The following CSMD1 variants were observed in gnomAD, a reference collection of about 807,000 sequenced individuals.
The protein encoded by CSMD1 is CUB and sushi domain-containing protein 1.
CSMD1 carries 213 observed loss-of-function variants against 417.5 expected under a neutral mutation model. The observed-to-expected ratio is 0.51, with a 90% CI of 0.46 to 0.57. CSMD1 has a LOEUF of 0.57. Among genes scored for constraint, CSMD1 ranks in the 20% least tolerant of loss-of-function variants. The pLI, the probability that CSMD1 is intolerant of heterozygous loss-of-function variation, is 0.00. For synonymous variants in CSMD1, 2,862 were observed against 1,736.8 expected, an observed-to-expected ratio of 1.65 and a Z score of -16.11; for missense variants, 6,923 against 4,529.7, an observed-to-expected ratio of 1.53 and a Z score of -15.17.
intron 5 of CSMD1, among the ~76,000 whole-genome samples, chr8:3,905,354 T>TA (rs1218652042): frequency 6.6e-6 from 1 of 152,306 alleles, no homozygotes; most frequent in African/African-American, 2.4e-5. Context: ...GTTGATCATC[T>TA]AAAAAAAGTT....
At chr8:3,755,399 T>C (rs1797600844) in intron 5 of CSMD1, among the ~76,000 whole-genome samples, 1 of 152,242 alleles carries the variant, frequency 6.6e-6, no homozygotes, top group African/African-American at 2.4e-5. Flanking sequence ...CAAGTGGTTG[T>C]GCACTGAATA....
At chr8:4,116,903 G>C (rs1489417627) in intron 3 of CSMD1, among the ~76,000 whole-genome samples, 3 of 152,188 alleles carry the variant, frequency 2.0e-5, no homozygotes, top group South Asian at 2.1e-4. Flanking sequence ...AAATCAGAAA[G>C]TGAGGTACTC....
intron 22 of CSMD1, among the ~76,000 whole-genome samples, chr8:3,347,514 C>T (rs1429886668): frequency 6.6e-6 from 1 of 152,178 alleles, no homozygotes; most frequent in Non-Finnish European, 1.5e-5. Context: ...CACTTCAGAA[C>T]CTTTCCAGCT....
intron 3 of CSMD1, among the ~76,000 whole-genome samples, chr8:4,332,990 G>C (rs1451209819): frequency 6.7e-6 from 1 of 148,512 alleles, no homozygotes; most frequent in African/African-American, 2.5e-5. Context: ...TGAGGTAAAC[G>C]TCATATGAAA....
chr8:4,787,177 C>G (rs977233954), intron 1 of CSMD1, among the ~76,000 whole-genome samples: 11 of 152,302 alleles, frequency 7.2e-5, no homozygotes, highest in African/African-American at 2.4e-4. Flanking sequence ...TAGCGGAGCT[C>G]GGAAAGAGTG....
chr8:3,248,131 C>G (rs111433692), intron 26 of CSMD1, among the ~76,000 whole-genome samples: 1 of 152,054 alleles, frequency 6.6e-6, no homozygotes. Context: ...AGTTTGAGAC[C>G]AGCCTGGGCA....
intron 1 of CSMD1, among the ~76,000 whole-genome samples, chr8:4,947,467 C>A (rs1475029596): frequency 2.0e-5 from 3 of 152,000 alleles, no homozygotes; most frequent in Non-Finnish European, 2.9e-5. Flanking sequence ...TGTCATCTGT[C>A]CAGATCATCA....
chr8:4,385,328 A>G (rs1015676731), intron 3 of CSMD1, among the ~76,000 whole-genome samples: 1 of 152,182 alleles, frequency 6.6e-6, no homozygotes, highest in Non-Finnish European at 1.5e-5. Flanking sequence ...ACAGGCAGTC[A>G]CCTAAAACGG....
chr8:3,132,837 C>G (rs1267322456), intron 41 of CSMD1, among the ~76,000 whole-genome samples: 3 of 152,302 alleles, frequency 2.0e-5, no homozygotes, highest in East Asian at 3.9e-4. Context: ...TACACAAGCT[C>G]CAACTTCTTG....
At chr8:4,094,719 T>G (rs1800908704) in intron 3 of CSMD1, among the ~76,000 whole-genome samples, 1 of 152,030 alleles carries the variant, frequency 6.6e-6, no homozygotes. Context: ...GACAGGGCAG[T>G]GGGGAGCCTC....
intron 1 of CSMD1, among the ~76,000 whole-genome samples, chr8:4,988,797 C>T (rs1348905940): frequency 6.6e-6 from 1 of 152,232 alleles, no homozygotes; most frequent in Non-Finnish European, 1.5e-5. Flanking sequence ...CTGTTTCACA[C>T]TCTGCATCCA....
intron 2 of CSMD1, among the ~76,000 whole-genome samples, chr8:4,458,199 A>G (rs1799600725): frequency 6.6e-6 from 1 of 152,196 alleles, no homozygotes; most frequent in African/African-American, 2.4e-5. Flanking sequence ...GATACTAATC[A>G]CCTTGTAAAG....
intron 3 of CSMD1, among the ~76,000 whole-genome samples, chr8:4,130,650 T>G (rs1451187376): frequency 6.6e-6 from 1 of 152,210 alleles, no homozygotes. Context: ...CTTGTGACTT[T>G]GAAGTAATCA....
At chr8:3,643,288 G>A (rs1233255627) in intron 7 of CSMD1, among the ~76,000 whole-genome samples, 1 of 152,028 alleles carries the variant, frequency 6.6e-6, no homozygotes, top group Non-Finnish European at 1.5e-5. Context: ...AGAACTGGAT[G>A]GAAAGGAGGG....
intron 1 of CSMD1, among the ~76,000 whole-genome samples, chr8:4,890,242 G>A (rs562146367): frequency 3.3e-5 from 5 of 152,114 alleles, no homozygotes; most frequent in Non-Finnish European, 5.9e-5. Flanking sequence ...GACTGAAGCA[G>A]CACGATAGAG....
At chr8:4,832,892 C>T (rs899457303) in intron 1 of CSMD1, among the ~76,000 whole-genome samples, 1 of 152,018 alleles carries the variant, frequency 6.6e-6, no homozygotes, top group Non-Finnish European at 1.5e-5. Context: ...ACAGAAAGCT[C>T]CGAACTAGCT....
chr8:3,904,808 T>C (rs1808002034), intron 5 of CSMD1, among the ~76,000 whole-genome samples: 1 of 152,068 alleles, frequency 6.6e-6, no homozygotes, highest in Non-Finnish European at 1.5e-5. Context: ...AGGTAATTTT[T>C]GTATTTTTAG....
chr8:4,736,450 A>T (rs1381962566), intron 1 of CSMD1, among the ~76,000 whole-genome samples: 2 of 152,164 alleles, frequency 1.3e-5, no homozygotes, highest in Admixed American at 6.5e-5. Flanking sequence ...GAGAAGCAGC[A>T]GGCCCCTCAG....
intron 2 of CSMD1, among the ~76,000 whole-genome samples, chr8:4,537,837 G>A (rs527991752): frequency 1.3e-5 from 2 of 152,328 alleles, no homozygotes; most frequent in East Asian, 1.9e-4. Flanking sequence ...AGATCCAGCA[G>A]AAGCAGCACT....
Sources: allele counts gnomAD v4.1 joint callset (sites outside exome capture counted in the v4.1 genomes callset), GRCh38; gene constraint gnomAD v4.1.1; transcripts MANE v1.5; gene names NCBI Gene and HGNC (gene_info 2026-07-23, HGNC 2026-07-21).